Variants in USP6NL observed in about 807,000 individuals in gnomAD.
The protein encoded by USP6NL is USP6 N-terminal-like protein.
Under a neutral mutation model 61.9 loss-of-function variants are expected in USP6NL, and 26 were observed. The observed-to-expected ratio is 0.42, with a 90% CI of 0.31 to 0.58. The LOEUF (loss-of-function observed/expected upper bound fraction) is 0.58, where lower values mean the gene tolerates loss of function less well. Among genes scored for constraint, USP6NL ranks in the 20% least tolerant of loss-of-function variants. The probability of loss-of-function intolerance (pLI) is 0.16; values close to 1 mark genes in which losing one functional copy is unlikely to be tolerated. For missense variants in USP6NL, 1,114 were observed against 1,034.3 expected, an observed-to-expected ratio of 1.08 and a Z score of -1.06; for synonymous variants, 432 against 390.1, an observed-to-expected ratio of 1.11 and a Z score of -1.27.
In USP6NL at chr10:11,485,239, A is replaced by C. The variant is rs1833409790; in HGVS notation, c.760-5T>G. 1 of 1,518,894 alleles carries C rather than the reference A, an allele frequency of 6.6e-7. No homozygotes were observed. The highest frequency in any genetic ancestry group is 2.5e-5 in the East Asian group (1 of 40,740). The allele number at this position is 1,518,894 out of a possible 1,614,324, so 94.1% of individuals were successfully genotyped here. On this transcript the variant is annotated splice_region_variant and splice_polypyrimidine_tract_variant and intron_variant, in intron 11 of 14. Transcript: ENST00000609104. This position sits in a 1 kb window ranked among gnomAD's most constrained non-coding sequence, Gnocchi z 4.8. ...TGTGTAGATTTCTTGAGAATCCTGA[A>C]AAAACAAAGAGCTCACAATTTATGG...
Position 11,589,386 on chromosome 10 carries a change from T to A in USP6NL, c.4+8245A>T, listed in dbSNP as rs943916637. On this transcript the variant is annotated intron_variant, in intron 2 of 14. Transcript: ENST00000609104. The surrounding 1 kb of genome is among the most constrained non-coding windows in gnomAD (Gnocchi z 4.7). ...CTCTTCCAACACTGGTAATAGCTGG[T>A]TCCTCCTCCCCTAATCCAGAACACT... Among the ~76,000 whole-genome samples the A allele has an allele frequency of 2.0e-5, 3 of 152,190 alleles. No homozygotes were observed. Among genetic ancestry groups the A allele is most frequent in the Admixed American group, 6.5e-5 (1 of 15,268 alleles).
At chr10:11,497,173 G>C (rs1833966929) in intron 7 of USP6NL, among the ~76,000 whole-genome samples, 2 of 150,046 alleles carry the variant, frequency 1.3e-5, no homozygotes, top group South Asian at 4.2e-4. Flanking sequence ...GCTTTGGAAG[G>C]GTGAGGTGGG....
rs570421102 is a variant in USP6NL, at chr10:11,595,531, C to G, written c.4+2100G>C. 1.2e-4 allele frequency among the ~76,000 whole-genome samples: 19 copies of G among 152,254 alleles called. No individual in the cohort carries two copies. Among genetic ancestry groups the G allele is most frequent in the African/African-American group, 4.3e-4 (18 of 41,554 alleles). Reference sequence around the variant, plus strand: ...GTGACTGAATCTGTGATGTTCTCAACGTCACCATGGGGCCAGGGCTCTGAC... The same window carrying G: ...GTGACTGAATCTGTGATGTTCTCAAGGTCACCATGGGGCCAGGGCTCTGAC... On this transcript the variant is annotated intron_variant, in intron 2 of 14. Transcript: ENST00000609104. The surrounding 1 kb of genome is among the most constrained non-coding windows in gnomAD (Gnocchi z 5.3).
At chr10:11,552,574 G>A (rs569714698) in intron 2 of USP6NL, among the ~76,000 whole-genome samples, 2 of 152,286 alleles carry the variant, frequency 1.3e-5, no homozygotes, top group South Asian at 2.1e-4. Context: ...CACGGGTTTC[G>A]TGAAGTTCTA....
chr10:11,473,687 G>A (rs375943457), intron 14 of USP6NL, among the ~76,000 whole-genome samples: 1 of 152,088 alleles, frequency 6.6e-6, no homozygotes, highest in African/African-American at 2.4e-5. Flanking sequence ...GTCTGACCTC[G>A]GGCAGGTACT....
chr10:11,576,308 A>G (rs1395779925), intron 2 of USP6NL, among the ~76,000 whole-genome samples: 1 of 152,210 alleles, frequency 6.6e-6, no homozygotes, highest in East Asian at 1.9e-4. Context: ...GGGACAACAT[A>G]GGTGGATCTT....
chr10:11,608,811 T>C (rs1588430078), intron 1 of USP6NL, among the ~76,000 whole-genome samples: 1 of 152,234 alleles, frequency 6.6e-6, no homozygotes, highest in Admixed American at 6.5e-5. Context: ...CTTTTAAAAA[T>C]TGAGTCATTT....
Position 11,463,845 on chromosome 10 carries a change from T to C in USP6NL, c.1083A>G (p.Lys361=), listed in dbSNP as rs1832310277. 6.9e-7 allele frequency: 1 copy of C among 1,458,614 alleles called. No individual in the cohort carries two copies. Among genetic ancestry groups the C allele is most frequent in the East Asian group, 2.5e-5 (1 of 40,232 alleles). 90.4% of individuals were successfully genotyped at this position (1,458,614 alleles called of 1,614,324 possible). A position where few individuals can be genotyped will look rare whatever the true frequency, so the allele number is the denominator to read the frequency against. Residue 361 remains lysine (K), a synonymous_variant, in exon 15 of 15, where the codon AAA becomes AAG. Coordinates refer to ENST00000609104, the MANE Select transcript of USP6NL (RefSeq NM_014688.5). The surrounding 1 kb of genome is among the most constrained non-coding windows in gnomAD (Gnocchi z 6.3). ...AGGGCTTCTTTGGATATTCATCCTC[T>C]TTACCTGAAAAGAAAGAGAAAGGCT... ...RAKLDLPEPG[K]EDEYPKKPLG... is the part of the protein sequence containing the mutation.
chr10:11,492,504 T>C (rs1833745715), intron 8 of USP6NL, among the ~76,000 whole-genome samples: 1 of 152,228 alleles, frequency 6.6e-6, no homozygotes, highest in African/African-American at 2.4e-5. Context: ...GGCCAGCAGC[T>C]TCAGCTCATC....
chr10:11,546,409 T>C (rs1836272376), intron 2 of USP6NL, among the ~76,000 whole-genome samples: 1 of 151,936 alleles, frequency 6.6e-6, no homozygotes, highest in African/African-American at 2.4e-5. Flanking sequence ...TTTTTCTTTA[T>C]TTTATTTTTT....
intron 2 of USP6NL, among the ~76,000 whole-genome samples, chr10:11,557,032 C>T (rs1386409920): frequency 6.6e-6 from 1 of 152,150 alleles, no homozygotes; most frequent in African/African-American, 2.4e-5. Flanking sequence ...TCTAGAACAA[C>T]TCCATATCCT....
At chr10:11,603,751 T>A (rs2133686908) in intron 1 of USP6NL, among the ~76,000 whole-genome samples, 1 of 152,298 alleles carries the variant, frequency 6.6e-6, no homozygotes, top group African/African-American at 2.4e-5. Flanking sequence ...GTTCCAGCCA[T>A]CTGCAGCTAA....
chr10:11,518,647 G>T lies in USP6NL; in HGVS notation c.156-73C>A. 9.1e-7 allele frequency: 1 copy of T among 1,095,608 alleles called. No individual in the cohort carries two copies. The highest frequency in any genetic ancestry group is 1.4e-6 in the Non-Finnish European group (1 of 729,712). 67.9% of individuals were successfully genotyped at this position (1,095,608 alleles called of 1,614,324 possible). A position where few individuals can be genotyped will look rare whatever the true frequency, so the allele number is the denominator to read the frequency against. Reference sequence around the variant, plus strand: ...ACTTTTAAAAGCTTATATACTTATAGATACATATGACATACAATATTTATT... The same window carrying T: ...ACTTTTAAAAGCTTATATACTTATATATACATATGACATACAATATTTATT... On this transcript the variant is annotated intron_variant, in intron 4 of 14. Coordinates refer to ENST00000609104, the MANE Select transcript of USP6NL (RefSeq NM_014688.5). This position sits in a 1 kb window ranked among gnomAD's most constrained non-coding sequence, Gnocchi z 5.3.
Position 11,462,750 on chromosome 10 carries a change from T to A in USP6NL, c.2178A>T (p.Pro726=). Residue 726 remains proline, a synonymous_variant, in exon 15 of 15, where the codon CCA becomes CCT. Coordinates refer to ENST00000609104, the MANE Select transcript of USP6NL (RefSeq NM_014688.5). ...SPKNGKLIIP[P]VDYLPDNRTW... ...TTCTGTTATCTGGCAAGTAATCCAC[T>A]GGTGGAATGATCAATTTTCCATTCT... The A allele has an allele frequency of 6.2e-7, 1 of 1,614,040 alleles. No homozygotes were observed. Among genetic ancestry groups the A allele is most frequent in the Middle Eastern group, 1.6e-4 (1 of 6,062 alleles).
At chr10:11,512,140 T>G (rs1198802565) in intron 5 of USP6NL, among the ~76,000 whole-genome samples, 1 of 152,146 alleles carries the variant, frequency 6.6e-6, no homozygotes, top group African/African-American at 2.4e-5. Flanking sequence ...CATCTTGCCA[T>G]AGACTCAACC....
intron 2 of USP6NL, among the ~76,000 whole-genome samples, chr10:11,593,126 C>G (rs1433944761): frequency 1.3e-5 from 2 of 152,146 alleles, no homozygotes; most frequent in Non-Finnish European, 2.9e-5. Flanking sequence ...GATTACCCAG[C>G]CAGAAGAGAA....
chr10:11,498,490 TGAAAAGTCACCTAG>T (rs1324876759), intron 7 of USP6NL, among the ~76,000 whole-genome samples: 6 of 151,862 alleles, frequency 4.0e-5, no homozygotes, highest in Non-Finnish European at 7.4e-5. Context: ...AACCTTGGGG[TGAAAAGTCACCTAG>T]CCTCGCTAAG....
In USP6NL at chr10:11,528,159, A is replaced by ACACACACC. The variant is rs1313847177; in HGVS notation, c.5-593_5-592insGGTGTGTG. ...CACACACACACACACACACACACAC[A>ACACACACC]CCCTTCATCCTTATTAACATTAGGA... On this transcript the variant is annotated intron_variant, in intron 2 of 14. Coordinates refer to ENST00000609104, the MANE Select transcript of USP6NL (RefSeq NM_014688.5). The surrounding 1 kb of genome is among the most constrained non-coding windows in gnomAD (Gnocchi z 4.6). Among the ~76,000 whole-genome samples the ACACACACC allele has an allele frequency of 2.0e-5, 3 of 150,902 alleles. No individual in the cohort carries two copies. The highest frequency in any genetic ancestry group is 3.0e-5 in the Non-Finnish European group (2 of 67,720).
At chr10:11,504,922 C>T (rs1834371552) in intron 6 of USP6NL, among the ~76,000 whole-genome samples, 2 of 152,220 alleles carry the variant, frequency 1.3e-5, no homozygotes, top group Admixed American at 6.5e-5. Flanking sequence ...GGGCACCACA[C>T]TGTCGAGATC....
Sources: gnomAD v4.1 joint callset for allele counts (sites outside exome capture counted in the v4.1 genomes callset) on GRCh38, gnomAD v4.1.1 for gene constraint, Gnocchi (gnomAD v3.1) non-coding constraint, MANE v1.5 for transcripts, NCBI Gene and HGNC (gene_info 2026-07-23, HGNC 2026-07-21) for gene names.